Variants in PCDHA5 observed in about 807,000 individuals in gnomAD.
PCDHA5 encodes the protein protocadherin alpha 5, also known as protocadherin alpha-5.
Under a neutral mutation model 61.6 loss-of-function variants are expected in PCDHA5, and 43 were observed. That is an observed-to-expected ratio of 0.70 (90% confidence interval 0.55 to 0.90). The LOEUF (loss-of-function observed/expected upper bound fraction) is 0.90. Among genes scored for constraint, PCDHA5 ranks in the 40% least tolerant of loss-of-function variants. The probability of loss-of-function intolerance (pLI) is 0.00; values close to 1 mark genes in which losing one functional copy is unlikely to be tolerated. For missense variants in PCDHA5, 1,298 were observed against 1,222.7 expected, an observed-to-expected ratio of 1.06 and a Z score of -0.92; for synonymous variants, 627 against 543.9, an observed-to-expected ratio of 1.15 and a Z score of -2.13.
chr5:140,877,676 G>T (rs781985023), intron 1 of PCDHA5: 1 of 1,613,606 alleles, frequency 6.2e-7, no homozygotes, highest in South Asian at 1.1e-5. Context: ...TGCGCGCCGG[G>T]CAAGCCCACG....
chr5:140,926,948 CG>C, intron 1 of PCDHA5: 2 of 1,589,778 alleles, frequency 1.3e-6, no homozygotes, highest in African/African-American at 1.3e-5. Context: ...GGCGCTGCAG[CG>C]GGACAGCTCG....
At position 140,927,971 on chromosome 5, in the gene PCDHA5, C is replaced by T. The variant is rs868922082; in HGVS notation, c.2353-50978C>T. On this transcript the variant is annotated intron_variant, in intron 1 of 3. Transcript: ENST00000529859. ...GACGCTGCCCCTGGCACAGTGATTGCTCTCTTTAGTGTAAAGGATGAAGAC... is the reference window on the plus strand; with the variant it reads ...GACGCTGCCCCTGGCACAGTGATTGTTCTCTTTAGTGTAAAGGATGAAGAC... 5.0e-6 allele frequency: 8 copies of T among 1,614,224 alleles called. No homozygotes were observed. In the African/African-American group the frequency reaches 9.3e-5, roughly 19 times the overall value.
intron 1 of PCDHA5, among the ~76,000 whole-genome samples, chr5:140,909,474 C>G (rs1554193804): frequency 6.6e-6 from 1 of 152,182 alleles, no homozygotes; most frequent in African/African-American, 2.4e-5. Context: ...TCTTCACAGG[C>G]TAAATAGGAG....
intron 1 of PCDHA5, among the ~76,000 whole-genome samples, chr5:140,942,596 A>G (rs116159999): frequency 2.2e-4 from 31 of 142,420 alleles, no homozygotes; most frequent in Admixed American, 2.0e-3. Flanking sequence ...ACATATAATT[A>G]TAGTGTTTAT....
chr5:140,881,625 A>G (rs2058773266), intron 1 of PCDHA5, among the ~76,000 whole-genome samples: 1 of 152,210 alleles, frequency 6.6e-6, no homozygotes, highest in African/African-American at 2.4e-5. Context: ...AAAATCTGAT[A>G]TATCAGTTAC....
intron 1 of PCDHA5, among the ~76,000 whole-genome samples, chr5:140,909,427 T>C (rs777444474): frequency 5.8e-4 from 88 of 152,174 alleles, no homozygotes; most frequent in Non-Finnish European, 6.5e-4. Context: ...GTTAAACTTA[T>C]GATAATCCAC....
chr5:140,928,719 T>C (rs1554206226), intron 1 of PCDHA5: 31 of 1,614,044 alleles, frequency 1.9e-5, no homozygotes, highest in Non-Finnish European at 2.5e-5. Flanking sequence ...CTAGTCTCTT[T>C]AGAATTTCAG....
intron 1 of PCDHA5, among the ~76,000 whole-genome samples, chr5:140,898,910 C>G (rs1313149642): frequency 6.6e-6 from 1 of 152,040 alleles, no homozygotes; most frequent in African/African-American, 2.4e-5. Context: ...CTTCACGTCC[C>G]TTGTAAGTTG....
rs2150382245 is a variant in PCDHA5, at chr5:140,845,891, G to A, written c.2352+21764G>A. On this transcript the variant is annotated intron_variant, in intron 1 of 3. Coordinates refer to ENST00000529859, the MANE Select transcript of PCDHA5 (RefSeq NM_018908.3). ...AGGCAACCTAAAATGTCAGAAAGTC[G>A]TTATGGCCTTCCATATTAATCTTAT... 6.7e-5 allele frequency among the ~76,000 whole-genome samples: 10 copies of A among 149,728 alleles called. 1 individual carries two copies. Among genetic ancestry groups the A allele is most frequent in the East Asian group, 3.9e-4 (2 of 5,176 alleles).
At chr5:140,829,657 G>C in intron 1 of PCDHA5, 1 of 1,612,592 alleles carries the variant, frequency 6.2e-7, no homozygotes, top group African/African-American at 1.3e-5. Flanking sequence ...CGCTGCAGCC[G>C]CTGGACCACG....
chr5:140,843,129 A>G (rs2150353513), intron 1 of PCDHA5: 1 of 1,596,008 alleles, frequency 6.3e-7, no homozygotes, highest in Non-Finnish European at 8.6e-7. Context: ...GACTCGGGCT[A>G]CAACGCGTGG....
At chr5:140,842,322 G>C (rs1349163820) in intron 1 of PCDHA5, 7 of 1,607,496 alleles carry the variant, frequency 4.4e-6, no homozygotes, top group Admixed American at 3.3e-5. Flanking sequence ...GCGGGTCATT[G>C]CACCGTTTTA....
At chr5:140,926,584 C>T in intron 1 of PCDHA5, 1 of 285,400 alleles carries the variant, frequency 3.5e-6, no homozygotes, top group Non-Finnish European at 6.4e-6. Context: ...GCACCTCTCG[C>T]GCCCGGGCGG....
intron 1 of PCDHA5, among the ~76,000 whole-genome samples, chr5:140,946,990 C>T (rs181802680): frequency 2.6e-5 from 4 of 151,580 alleles, no homozygotes; most frequent in African/African-American, 9.7e-5. Context: ...TTTGAGTGTT[C>T]TAACTTCAAA....
chr5:140,869,102 C>G, intron 1 of PCDHA5: 1 of 1,598,758 alleles, frequency 6.3e-7, no homozygotes, highest in Non-Finnish European at 8.5e-7. Context: ...ATTTCGTATG[C>G]GATGTTTGGT....
rs534595431 is a variant in PCDHA5 at position 140,908,278 on chromosome 5, TG to T, written c.2353-70670del. On this transcript the variant is annotated intron_variant, in intron 1 of 3. Coordinates refer to ENST00000529859, the MANE Select transcript of PCDHA5 (RefSeq NM_018908.3). Reference sequence around the variant, plus strand: ...CATAGGGAACTCCCCATGAGGCCATTGTTGCAAGCTGGGGAAGAGAAGGAAG... The same window carrying T: ...CATAGGGAACTCCCCATGAGGCCATTTTGCAAGCTGGGGAAGAGAAGGAAG... Among the ~76,000 whole-genome samples the T allele has an allele frequency of 1.3e-3, 196 of 152,290 alleles. 1 individual carries two copies. Among genetic ancestry groups the T allele is most frequent in the African/African-American group, 4.6e-3 (191 of 41,570 alleles).
chr5:140,864,321 C>T (rs1040853151), intron 1 of PCDHA5: 1 of 152,126 alleles, frequency 6.6e-6, no homozygotes, highest in African/African-American at 2.4e-5. Flanking sequence ...TATTTAATAT[C>T]ATAATTATTT....
chr5:140,955,397 A>G (rs1470827673), intron 1 of PCDHA5, among the ~76,000 whole-genome samples: 1 of 152,130 alleles, frequency 6.6e-6, no homozygotes, highest in Non-Finnish European at 1.5e-5. Context: ...CAATTATCCC[A>G]TACAGTTCTC....
intron 1 of PCDHA5, chr5:140,883,720 A>G (rs782338608): frequency 4.3e-6 from 7 of 1,613,566 alleles, no homozygotes; most frequent in Middle Eastern, 1.7e-4. Flanking sequence ...ACGCGGACGC[A>G]CAGGAGAACG....
Sources: allele counts gnomAD v4.1 joint callset (sites outside exome capture counted in the v4.1 genomes callset), GRCh38; gene constraint gnomAD v4.1.1; transcripts MANE v1.5; gene names NCBI Gene and HGNC (gene_info 2026-07-23, HGNC 2026-07-21).